The following NHS variants were observed in gnomAD, a reference collection of about 807,000 sequenced individuals.
The protein encoded by NHS is NHS actin remodeling regulator, also known as actin remodeling regulator NHS.
NHS carries 5 observed loss-of-function variants against 72.5 expected under a neutral mutation model. The ratio of observed to expected loss-of-function variants is 0.07; its 90% CI spans 0.04 to 0.14. The LOEUF (loss-of-function observed/expected upper bound fraction) is 0.14, where lower values mean the gene tolerates loss of function less well. Ranked by LOEUF, NHS falls within the 10% of genes least tolerant of loss-of-function variation. NHS has a pLI of 1.00. For synonymous variants in NHS, 464 were observed against 547.7 expected (o/e 0.85, Z 2.13); for missense variants, 1,072 against 1,355.7 (o/e 0.79, Z 3.29).
At chrX:17,573,287 C>G (rs1417672629) in intron 1 of NHS, among the ~76,000 whole-genome samples, 1 of 111,422 alleles carries the variant, frequency 9.0e-6, no homozygotes, top group Non-Finnish European at 1.9e-5. Context: ...TAACTTGGTT[C>G]CATTCTCCCC....
intron 1 of NHS, among the ~76,000 whole-genome samples, chrX:17,587,991 G>A (rs1014004390): frequency 8.9e-6 from 1 of 112,083 alleles, no homozygotes; most frequent in South Asian, 3.7e-4. Context: ...CCATAGTAAT[G>A]GTGGCTCCAA....
intron 1 of NHS, among the ~76,000 whole-genome samples, chrX:17,475,563 G>T (rs1191792657): frequency 1.8e-5 from 2 of 111,565 alleles, no homozygotes; most frequent in Non-Finnish European, 3.8e-5. Flanking sequence ...ATCTTAGTAT[G>T]GCTTCTTCCC....
At chrX:17,583,608 C>T (rs1199267592) in intron 1 of NHS, among the ~76,000 whole-genome samples, 1 of 112,309 alleles carries the variant, frequency 8.9e-6, no homozygotes, top group African/African-American at 3.2e-5. Flanking sequence ...TTTGGACTGG[C>T]TGTTGCGAGG....
chrX:17,672,140 C>T (rs1416878864), intron 1 of NHS, among the ~76,000 whole-genome samples: 1 of 112,359 alleles, frequency 8.9e-6, no homozygotes, highest in Admixed American at 9.4e-5. Flanking sequence ...GTACCATTAG[C>T]TGCTGTAACA....
rs1463083583 is a variant in NHS, at chrX:17,697,373, G to C, written c.852+4905G>C. ...ATGGTGCCATTAAACTAGGGATCTT[G>C]TGAAACACACCAAAGCCACACAAAT... On this transcript the variant is annotated intron_variant, in intron 3 of 8. Transcript: ENST00000676302. 2.7e-5 allele frequency among the ~76,000 whole-genome samples: 3 copies of C among 111,971 alleles called. No homozygotes were observed. The East Asian group carries it at 8.4e-4, about 31-fold the overall frequency.
rs745690381 is a variant in NHS, at chrX:17,519,612, T to C, written c.565+143290T>C. 1.2e-4 allele frequency among the ~76,000 whole-genome samples: 13 copies of C among 111,501 alleles called. No individual in the cohort carries two copies. The East Asian group carries it at 2.3e-3, about 20-fold the overall frequency. On this transcript the variant is annotated intron_variant, in intron 1 of 8. Transcript: ENST00000676302. ...TCCGCCCGGATGTTCCGGAGTGTGT[T>C]TGGGTTTCACTTTGAAATAAAACAT...
intron 1 of NHS, among the ~76,000 whole-genome samples, chrX:17,487,630 G>T (rs1401263933): frequency 4.5e-5 from 5 of 111,423 alleles, no homozygotes; most frequent in Non-Finnish European, 7.5e-5. Context: ...TATGTGTCTG[G>T]TTACAGGCTC....
chrX:17,467,220 A>C (rs1413258425), intron 1 of NHS, among the ~76,000 whole-genome samples: 1 of 112,103 alleles, frequency 8.9e-6, no homozygotes, highest in African/African-American at 3.2e-5. Flanking sequence ...GGTCTTACTG[A>C]AGTTGTCTTT....
intron 3 of NHS, among the ~76,000 whole-genome samples, chrX:17,701,273 A>G (rs1439134035): frequency 8.9e-6 from 1 of 112,090 alleles, no homozygotes; most frequent in African/African-American, 3.2e-5. Context: ...AAGAAAATAT[A>G]CAAGTAGCCA....
intron 1 of NHS, among the ~76,000 whole-genome samples, chrX:17,436,025 C>A (rs982092886): frequency 8.9e-6 from 1 of 112,302 alleles, no homozygotes; most frequent in East Asian, 2.8e-4. Context: ...GAGGAGTTAC[C>A]TTAAAATGAA....
At chrX:17,416,206 C>A (rs1333807408) in intron 1 of NHS, among the ~76,000 whole-genome samples, 1 of 111,307 alleles carries the variant, frequency 9.0e-6, no homozygotes, top group South Asian at 3.8e-4. Context: ...TCATCTTAAA[C>A]CAAAAATCAG....
chrX:17,448,932 A>C (rs1259706804), intron 1 of NHS, among the ~76,000 whole-genome samples: 1 of 112,891 alleles, frequency 8.9e-6, no homozygotes, highest in East Asian at 2.8e-4. Context: ...ATCTTTATGA[A>C]GTACCATGTT....
At chrX:17,433,196 CTTT>C (rs768285319) in intron 1 of NHS, among the ~76,000 whole-genome samples, 4 of 64,602 alleles carry the variant, frequency 6.2e-5, no homozygotes, top group African/African-American at 1.8e-4. Context: ...CGCCCGGCTA[CTTT>C]TTTTTTTTTT....
intron 1 of NHS, among the ~76,000 whole-genome samples, chrX:17,553,662 A>G (rs1025785680): frequency 9.0e-6 from 1 of 111,108 alleles, no homozygotes; most frequent in African/African-American, 3.3e-5. Context: ...TCCTGGCCTC[A>G]TACCTCCTCC....
At chrX:17,584,142 C>T (rs944024498) in intron 1 of NHS, among the ~76,000 whole-genome samples, 3 of 111,674 alleles carry the variant, frequency 2.7e-5, no homozygotes, top group African/African-American at 6.5e-5. Context: ...TTTGAGCTGC[C>T]GAGTTTTCTA....
chrX:17,499,458 A>G (rs1372000496), intron 1 of NHS, among the ~76,000 whole-genome samples: 4 of 111,821 alleles, frequency 3.6e-5, no homozygotes, highest in Admixed American at 1.9e-4. Flanking sequence ...TTAAATCCAG[A>G]ATCTTGCTAT....
intron 3 of NHS, among the ~76,000 whole-genome samples, chrX:17,718,349 GT>G (rs1245429771): frequency 5.1e-5 from 3 of 58,543 alleles, no homozygotes; most frequent in South Asian, 1.8e-3. Context: ...GGGAGGGAGG[GT>G]GGTGGGAGGG....
At chrX:17,605,031 G>C (rs1362534995) in intron 1 of NHS, among the ~76,000 whole-genome samples, 1 of 111,792 alleles carries the variant, frequency 8.9e-6, no homozygotes, top group African/African-American at 3.3e-5. Flanking sequence ...ACATTCTGAG[G>C]TGGGTTTTAA....
At chrX:17,393,480 A>G (rs1221657609) in intron 1 of NHS, among the ~76,000 whole-genome samples, 2 of 112,550 alleles carry the variant, frequency 1.8e-5, no homozygotes, top group African/African-American at 3.2e-5. Context: ...TCACAAAGCC[A>G]TGTTTCAAAT....
Sources: gnomAD v4.1 joint callset for allele counts (sites outside exome capture counted in the v4.1 genomes callset) on GRCh38, gnomAD v4.1.1 for gene constraint, MANE v1.5 for transcripts, NCBI Gene and HGNC (gene_info 2026-07-23, HGNC 2026-07-21) for gene names.